BFSP1: variants seen among roughly 807,000 people sequenced by gnomAD.
The protein encoded by BFSP1 is filensin.
Under a neutral mutation model 43.9 loss-of-function variants are expected in BFSP1, and 38 were observed. The observed-to-expected ratio is 0.87, with a 90% CI of 0.67 to 1.14. The LOEUF (loss-of-function observed/expected upper bound fraction) is 1.14, where lower values mean the gene tolerates loss of function less well. BFSP1 is among the 50% of genes most tolerant of loss of function. The pLI is 0.00. For synonymous variants in BFSP1, 352 were observed against 354.8 expected (o/e 0.99, Z 0.09); for missense variants, 850 against 875.1 (o/e 0.97, Z 0.36).
chr20:17,561,234 C>T (rs1337911981), upstream of BFSP1, among the ~76,000 whole-genome samples: 6 of 152,198 alleles, frequency 3.9e-5, no homozygotes, highest in Non-Finnish European at 8.8e-5. Flanking sequence ...CATGGTGGCT[C>T]ATGCCTGTAA....
At chr20:17,537,458 T>G (rs1264237723) in intron 1 of BFSP1, among the ~76,000 whole-genome samples, 1 of 151,744 alleles carries the variant, frequency 6.6e-6, no homozygotes, top group Non-Finnish European at 1.5e-5. Flanking sequence ...ACACACGCAG[T>G]TGACTCTGAA....
At chr20:17,523,648 G>T (rs561672471) in intron 2 of BFSP1, among the ~76,000 whole-genome samples, 1 of 149,754 alleles carries the variant, frequency 6.7e-6, no homozygotes, top group African/African-American at 2.5e-5. Flanking sequence ...TTTCTATCTA[G>T]GGTGCCCAAG....
intron 2 of BFSP1, among the ~76,000 whole-genome samples, chr20:17,521,450 G>A (rs2034317605): frequency 6.6e-6 from 1 of 152,170 alleles, no homozygotes; most frequent in Admixed American, 6.5e-5. Context: ...ATGTCCCACG[G>A]CCACACCCAG....
chr20:17,526,900 G>A (rs902596400), intron 1 of BFSP1, among the ~76,000 whole-genome samples: 1 of 152,088 alleles, frequency 6.6e-6, no homozygotes, highest in African/African-American at 2.4e-5. Context: ...TGTCAGTTTG[G>A]AGTTTCTGTC....
chr20:17,564,471 C>T (rs2035097865), intron 1 of BFSP1, among the ~76,000 whole-genome samples: 1 of 152,058 alleles, frequency 6.6e-6, no homozygotes, highest in Admixed American at 6.5e-5. Context: ...AAACCATATA[C>T]ACATACACAC....
At chr20:17,563,885 TA>T (rs998399781), upstream of BFSP1, among the ~76,000 whole-genome samples, 3,998 of 90,756 alleles carry the variant, frequency 0.044, 178 homozygotes, top group African/African-American at 0.15. Flanking sequence ...AGACCGTGTC[TA>T]AAAAAAAAAA....
intron 1 of BFSP1, among the ~76,000 whole-genome samples, chr20:17,529,546 C>T (rs1181244577): frequency 6.6e-6 from 1 of 151,998 alleles, no homozygotes; most frequent in South Asian, 2.1e-4. Context: ...TTGTGTGTGT[C>T]CTGAAATTCT....
chr20:17,563,397 CCCTTCCTT>C (rs1161358172), upstream of BFSP1, among the ~76,000 whole-genome samples: 1 of 44,790 alleles, frequency 2.2e-5, no homozygotes, highest in Non-Finnish European at 6.8e-5. Flanking sequence ...CTCCCTCCCT[CCCTTCCTT>C]CCTTCCTTTC....
intron 1 of BFSP1, among the ~76,000 whole-genome samples, chr20:17,566,884 C>T (rs928994205): frequency 2.0e-5 from 3 of 152,104 alleles, no homozygotes; most frequent in Non-Finnish European, 4.4e-5. Flanking sequence ...GAACTCCTGA[C>T]CTCGTGATCC....
At chr20:17,517,133 T>C in intron 2 of BFSP1, 1 of 801,258 alleles carries the variant, frequency 1.2e-6, no homozygotes, top group Non-Finnish European at 2.2e-6. Context: ...GGAAGAAGAT[T>C]AAGCTGGCTG....
chr20:17,531,053 C>T lies in BFSP1; in HGVS notation c.277G>A (p.Glu93Lys), dbSNP rs1269196682. 7.1e-7 allele frequency: 1 copy of T among 1,410,858 alleles called. No homozygotes were observed. Among genetic ancestry groups the T allele is most frequent in the Admixed American group, 2.9e-5 (1 of 34,170 alleles). 87.4% of individuals were successfully genotyped at this position (1,410,858 alleles called of 1,614,324 possible). The stretch of plus-strand genomic sequence containing the variant: ...TCCCGGACGCGCTGGCGGTTGCTCT[C>T]GACTTGGCGGGCGAGGGCGTCCTCG... ...GPEDALARQV[E>K]SNRQRVRDLE... Residue 93 changes from glutamate (E) to lysine (K), a missense_variant, in exon 1 of 8, where the codon GAG becomes AAG. By Grantham distance (56) the Glu-to-Lys change is moderately conservative. Transcript: ENST00000377873.
chr20:17,495,006 T>C lies in BFSP1; in HGVS notation c.1066A>G (p.Ile356Val). 1 of 1,613,360 alleles carries C rather than the reference T, an allele frequency of 6.2e-7. No homozygotes were observed. Among genetic ancestry groups the C allele is most frequent in the Non-Finnish European group, 8.5e-7 (1 of 1,179,784 alleles). ...GKDLTRALQDITAAKPRQKAL... is the reference protein window; with the variant it reads ...GKDLTRALQDVTAAKPRQKAL... ...TTTTGTCTTGGTTTTGCTGCTGTTA[T>C]ATCCTGCAGAGCTCTGGTAAGATCT... The change falls in exon 8 of 8, where the codon ATA (isoleucine) becomes GTA (valine). Residue 356 changes from isoleucine (I) to valine (V), a missense_variant. Coordinates refer to ENST00000377873, the MANE Select transcript of BFSP1 (RefSeq NM_001195.5).
chr20:17,537,177 A>G (rs994986962), intron 1 of BFSP1, among the ~76,000 whole-genome samples: 5 of 152,224 alleles, frequency 3.3e-5, no homozygotes, highest in African/African-American at 1.2e-4. Context: ...ACCAGGGTGC[A>G]GCTTGAAGCC....
At position 17,554,218 on chromosome 20, in the gene BFSP1, T is replaced by C. The variant is rs189171111; in HGVS notation, c.2+4470A>G. ...AGGACCTGCTGGTTTCTCAGGCCAA[T>C]ACTATCAAAGCTTTAAGGTACAGGT... On this transcript the variant is annotated intron_variant, in intron 1 of 7. Transcript: ENST00000377868. Among the ~76,000 whole-genome samples, 8 of 152,264 alleles carry C rather than the reference T, an allele frequency of 5.3e-5. No homozygotes were observed. In the East Asian group the frequency reaches 1.4e-3, roughly 26 times the overall value.
At chr20:17,534,604 A>G (rs1036616629), upstream of BFSP1, among the ~76,000 whole-genome samples, 3 of 152,234 alleles carry the variant, frequency 2.0e-5, no homozygotes, top group African/African-American at 7.2e-5. Flanking sequence ...CCAAAGAAGG[A>G]ACATCCTATT....
At chr20:17,503,387 A>G (rs2033851354) in intron 5 of BFSP1, among the ~76,000 whole-genome samples, 1 of 152,196 alleles carries the variant, frequency 6.6e-6, no homozygotes, top group African/African-American at 2.4e-5. Context: ...AAAAAATTAC[A>G]TATGAAGAGA....
chr20:17,553,179 CA>C (rs1053767905), intron 1 of BFSP1, among the ~76,000 whole-genome samples: 2 of 151,942 alleles, frequency 1.3e-5, no homozygotes, highest in Admixed American at 1.3e-4. Flanking sequence ...TAAAGTGTTT[CA>C]AAGTGAAGAG....
At chr20:17,548,072 G>A (rs918408202) in intron 1 of BFSP1, among the ~76,000 whole-genome samples, 3 of 150,474 alleles carry the variant, frequency 2.0e-5, no homozygotes, top group Non-Finnish European at 1.5e-5. Flanking sequence ...TTATGGAAAC[G>A]GGGGAAAAAC....
chr20:17,512,458 T>C (rs1187276302), intron 3 of BFSP1, among the ~76,000 whole-genome samples: 1 of 151,724 alleles, frequency 6.6e-6, no homozygotes, highest in East Asian at 1.9e-4. Flanking sequence ...GGCTCACACC[T>C]GTACTCCCAG....
Sources: allele counts gnomAD v4.1 joint callset (sites outside exome capture counted in the v4.1 genomes callset), GRCh38; gene constraint gnomAD v4.1.1; transcripts MANE v1.5; gene names NCBI Gene and HGNC (gene_info 2026-07-23, HGNC 2026-07-21).